The following ZC3H12B variants were observed in gnomAD, a reference collection of about 807,000 sequenced individuals.
The protein encoded by ZC3H12B is probable ribonuclease ZC3H12B.
ZC3H12B carries 7 observed loss-of-function variants against 43.9 expected under a neutral mutation model. The ratio of observed to expected loss-of-function variants is 0.16; its 90% CI spans 0.09 to 0.30. The LOEUF is 0.30. ZC3H12B is among the 10% of genes least tolerant of loss of function. The pLI, the probability that ZC3H12B is intolerant of heterozygous loss-of-function variation, is 1.00. For missense variants in ZC3H12B, 475 were observed against 670.2 expected (o/e 0.71, Z 3.22); for synonymous variants, 222 against 241.7 (o/e 0.92, Z 0.76).
the ZC3H12B span, among the ~76,000 whole-genome samples, chrX:65,188,814 T>TA: frequency 2.8e-5 from 3 of 108,679 alleles, no homozygotes; most frequent in East Asian, 2.9e-4. Flanking sequence ...TTTTTTTTTT[T>TA]ATTTAAGTTT....
At chrX:65,312,681 C>T in the ZC3H12B span, among the ~76,000 whole-genome samples, 1 of 111,113 alleles carries the variant, frequency 9.0e-6, no homozygotes, top group Non-Finnish European at 1.9e-5. Context: ...GTTAAGGTGC[C>T]AGTAGATTGA....
At chrX:65,065,609 G>A in the ZC3H12B span, among the ~76,000 whole-genome samples, 18 of 111,071 alleles carry the variant, frequency 1.6e-4, no homozygotes, top group Non-Finnish European at 2.8e-4. Context: ...TGAATCTGAC[G>A]ATTATGTGTC....
Position 65,450,711 on chromosome X carries a change from ATATGTATACATATGTGTATATATG to A in ZC3H12B, n.408-37931_408-37908del, listed in dbSNP as rs2067479345. ...TATGTATACATATGTGTATATATGT[ATATGTATACATATGTGTATATATG>A]TATATATATATACATATGTGTATAT... is the stretch of plus-strand genomic sequence containing the variant. On this transcript the variant is annotated intron_variant and non_coding_transcript_variant, in intron 3 of 5. Coordinates refer to the ZC3H12B transcript ENST00000617377. Among the ~76,000 whole-genome samples the A allele has an allele frequency of 8.3e-5, 3 of 36,174 alleles. 1 individual carries two copies. The South Asian group carries it at 6.0e-3, about 72-fold the overall frequency. 31.4% of individuals were successfully genotyped at this position (36,174 alleles called of 115,157 possible).
At chrX:65,203,397 T>G in the ZC3H12B span, among the ~76,000 whole-genome samples, 6 of 111,115 alleles carry the variant, frequency 5.4e-5, no homozygotes, top group Non-Finnish European at 1.1e-4. Context: ...TACTGCCTGG[T>G]TATTACTGCT....
chrX:65,072,327 G>A, the ZC3H12B span, among the ~76,000 whole-genome samples: 1 of 111,881 alleles, frequency 8.9e-6, no homozygotes, highest in African/African-American at 3.3e-5. Flanking sequence ...TTCTTTACTG[G>A]CTATTTTGCC....
the ZC3H12B span, among the ~76,000 whole-genome samples, chrX:65,141,054 T>C: frequency 9.0e-6 from 1 of 111,694 alleles, no homozygotes. Flanking sequence ...AGTCTCTTTT[T>C]CATTTGTTTC....
At chrX:65,212,276 A>T in the ZC3H12B span, among the ~76,000 whole-genome samples, 2 of 44,400 alleles carry the variant, frequency 4.5e-5, no homozygotes, top group Non-Finnish European at 6.3e-5. Flanking sequence ...TATAATATAT[A>T]ATATAATTAT....
chrX:65,183,233 A>G, the ZC3H12B span, among the ~76,000 whole-genome samples: 246 of 112,279 alleles, frequency 2.2e-3, no homozygotes, highest in Non-Finnish European at 3.9e-3. Flanking sequence ...TTATGCGGCC[A>G]TAAAAAAAGA....
the ZC3H12B span, among the ~76,000 whole-genome samples, chrX:65,117,945 T>A: frequency 9.0e-6 from 1 of 111,494 alleles, no homozygotes; most frequent in South Asian, 3.8e-4. Context: ...ACCAGTACCA[T>A]GCTGTTTTGG....
At chrX:65,283,113 A>C in the ZC3H12B span, among the ~76,000 whole-genome samples, 1 of 111,703 alleles carries the variant, frequency 9.0e-6, no homozygotes, top group Admixed American at 9.5e-5. Flanking sequence ...CACATCGAAA[A>C]GCTTATCCAC....
the ZC3H12B span, among the ~76,000 whole-genome samples, chrX:65,348,670 T>C: frequency 2.9e-5 from 3 of 101,759 alleles, no homozygotes; most frequent in Non-Finnish European, 5.9e-5. Flanking sequence ...GAGGAATATT[T>C]ACCAAGCAAA....
intron 3 of ZC3H12B, among the ~76,000 whole-genome samples, chrX:65,414,273 AG>A (rs946980257): frequency 1.4e-4 from 15 of 107,981 alleles, no homozygotes; most frequent in African/African-American, 4.7e-4. Flanking sequence ...TTTTTTTTTG[AG>A]GGGGGGAAGG....
At chrX:65,102,155 G>GA in the ZC3H12B span, among the ~76,000 whole-genome samples, 2 of 111,248 alleles carry the variant, frequency 1.8e-5, no homozygotes, top group African/African-American at 6.5e-5. Flanking sequence ...CTCAATAGGT[G>GA]AAAAAAAGGC....
chrX:65,392,637 C>T (rs755647175), intron 2 of ZC3H12B, among the ~76,000 whole-genome samples: 15 of 110,786 alleles, frequency 1.4e-4, no homozygotes, highest in East Asian at 8.9e-4. Flanking sequence ...AGGTGGGGGG[C>T]GCCTCTGCCC....
the ZC3H12B span, among the ~76,000 whole-genome samples, chrX:65,131,168 T>C: frequency 9.0e-6 from 1 of 111,364 alleles, no homozygotes; most frequent in Non-Finnish European, 1.9e-5. Flanking sequence ...CTGAGAGGTA[T>C]TGGAGTGGGG....
At chrX:65,251,067 T>G in the ZC3H12B span, among the ~76,000 whole-genome samples, 1 of 112,303 alleles carries the variant, frequency 8.9e-6, no homozygotes, top group African/African-American at 3.2e-5. Context: ...TTTTATGGTT[T>G]TAGGTCTAAC....
chrX:65,306,198 T>G, the ZC3H12B span, among the ~76,000 whole-genome samples: 10 of 112,297 alleles, frequency 8.9e-5, 1 homozygote, highest in East Asian at 2.8e-3. Context: ...GTTACAAATA[T>G]ATTTTTTAAA....
At chrX:65,458,948 T>C (rs2067683064) in intron 3 of ZC3H12B, among the ~76,000 whole-genome samples, 2 of 110,379 alleles carry the variant, frequency 1.8e-5, no homozygotes, top group Admixed American at 9.7e-5. Flanking sequence ...ATCAACAAAA[T>C]TGATAGACTG....
At chrX:65,158,799 G>A in the ZC3H12B span, among the ~76,000 whole-genome samples, 1 of 111,642 alleles carries the variant, frequency 9.0e-6, no homozygotes, top group Non-Finnish European at 1.9e-5. Context: ...TGTCAATTTT[G>A]GCTTTTGTTG....
Sources: gnomAD v4.1 joint callset for allele counts (sites outside exome capture counted in the v4.1 genomes callset) on GRCh38, gnomAD v4.1.1 for gene constraint, MANE v1.5 for transcripts, NCBI Gene and HGNC (gene_info 2026-07-23, HGNC 2026-07-21) for gene names.